The following CAB39 variants were observed in gnomAD, a reference collection of about 807,000 sequenced individuals.
CAB39 encodes the protein calcium-binding protein 39.
A neutral mutation model predicts 40.0 loss-of-function variants in CAB39; 8 were observed. The observed-to-expected ratio is 0.20, with a 90% CI of 0.12 to 0.36. The LOEUF (loss-of-function observed/expected upper bound fraction) is 0.36. CAB39 is among the 10% of genes least tolerant of loss of function. The probability of loss-of-function intolerance (pLI) is 1.00; values close to 1 mark genes in which losing one functional copy is unlikely to be tolerated. For missense variants in CAB39, 270 were observed against 401.1 expected (o/e 0.67, Z 2.79); for synonymous variants, 156 against 141.6 (o/e 1.10, Z -0.72).
intron 4 of CAB39, among the ~76,000 whole-genome samples, chr2:230,793,641 G>A (rs1156614304): frequency 1.3e-5 from 2 of 152,140 alleles, no homozygotes; most frequent in African/African-American, 4.8e-5. Context: ...TAAAAAAGTT[G>A]AATTTCATTG....
rs564668197 is a variant in CAB39, at chr2:230,795,613, C to T, written c.398+2282C>T. On this transcript the variant is annotated intron_variant, in intron 4 of 8. Transcript: ENST00000258418. ...CATTTCTGGTGATGTTCGGATTGAC[C>T]GGTGGATGCAGGTGTCCTCAGTCTG... Among the ~76,000 whole-genome samples, 20 of 152,192 alleles carry T rather than the reference C, an allele frequency of 1.3e-4. No individual in the cohort carries two copies. The South Asian group carries it at 2.3e-3, about 17-fold the overall frequency.
intron 6 of CAB39, 46 bp downstream of exon 6, chr2:230,810,368 G>A (rs779728150): frequency 4.1e-6 from 3 of 726,254 alleles, no homozygotes; most frequent in Admixed American, 3.1e-5. Flanking sequence ...TGTAACTTTT[G>A]TTACCAGAAA....
intron 1 of CAB39, among the ~76,000 whole-genome samples, chr2:230,734,121 G>A (rs1283465239): frequency 6.6e-6 from 1 of 152,166 alleles, no homozygotes; most frequent in Non-Finnish European, 1.5e-5. Flanking sequence ...GTGGCCCCTT[G>A]TATTAATTGG....
At chr2:230,810,208 C>T (rs369936179) in intron 5 of CAB39, 55 bp from the exon 6 acceptor site, 15 of 767,970 alleles carry the variant, frequency 2.0e-5, no homozygotes, top group South Asian at 8.5e-5. Context: ...ATTTAGGATT[C>T]GCTTTTTTGA....
intron 2 of CAB39, among the ~76,000 whole-genome samples, chr2:230,770,912 G>A (rs1236170939): frequency 6.6e-6 from 1 of 152,190 alleles, no homozygotes; most frequent in Non-Finnish European, 1.5e-5. Context: ...AAGGGCATCT[G>A]CAAAAATCCT....
chr2:230,782,797 C>CTT (rs1473206463), intron 2 of CAB39, among the ~76,000 whole-genome samples: 1 of 107,158 alleles, frequency 9.3e-6, no homozygotes, highest in Non-Finnish European at 1.8e-5. Flanking sequence ...CTGTTTCTTT[C>CTT]TTTCTTTCTT....
intron 2 of CAB39, among the ~76,000 whole-genome samples, chr2:230,761,868 T>G (rs1305276525): frequency 6.7e-6 from 1 of 148,458 alleles, no homozygotes; most frequent in African/African-American, 2.5e-5. Flanking sequence ...TAAGTGGTAC[T>G]GTTTTTTGTT....
At chr2:230,766,038 T>C (rs1695380364) in intron 2 of CAB39, among the ~76,000 whole-genome samples, 1 of 152,190 alleles carries the variant, frequency 6.6e-6, no homozygotes, top group South Asian at 2.1e-4. Flanking sequence ...CCCTGGAATT[T>C]CCAGTTCACT....
At chr2:230,818,389 C>G in intron 8 of CAB39, 127 bp from the exon 9 acceptor site, 1 of 666,696 alleles carries the variant, frequency 1.5e-6, no homozygotes, top group Non-Finnish European at 2.5e-6. Flanking sequence ...AAAGCAAAAC[C>G]TAATGACCCT....
chr2:230,771,650 T>C (rs1695484996), intron 2 of CAB39, among the ~76,000 whole-genome samples: 1 of 152,186 alleles, frequency 6.6e-6, no homozygotes, highest in Non-Finnish European at 1.5e-5. Flanking sequence ...CCTGGAGTAA[T>C]CAAAATAACT....
Position 230,744,889 on chromosome 2 carries a change from CTT to C in CAB39, c.-43-15067_-43-15066del, listed in dbSNP as rs1245735687. On this transcript the variant is annotated intron_variant, in intron 1 of 8. Coordinates refer to ENST00000258418, the MANE Select transcript of CAB39 (RefSeq NM_016289.4). Reference sequence around the variant, plus strand: ...GAGCTGTTGCTACTTTGTAAAATGACTTTTCTCTAAAAAATCAGCTACTAAAG... The same window carrying C: ...GAGCTGTTGCTACTTTGTAAAATGACTTCTCTAAAAAATCAGCTACTAAAG... 2.0e-5 allele frequency among the ~76,000 whole-genome samples: 3 copies of C among 152,162 alleles called. No individual in the cohort carries two copies. In the East Asian group the frequency reaches 5.8e-4, roughly 29 times the overall value.
Position 230,793,321 on chromosome 2 carries a change from T to C in CAB39, c.388T>C (p.Leu130=). The C allele has an allele frequency of 6.5e-7, 1 of 1,543,926 alleles. No homozygotes were observed. The change falls in exon 4 of 9, where the codon TTA becomes CTA. Residue 130 remains leucine (L), a synonymous_variant. Transcript: ENST00000258418. ...CACCCAACAGAATATTTTGTTCATG[T>C]TATTGAAAGGGTATGTACAATGTAA... ...ICTQQNILFM[L]LKGYESPEIA...
chr2:230,779,554 A>T (rs1490029407), intron 2 of CAB39: 1 of 152,242 alleles, frequency 6.6e-6, no homozygotes, highest in Admixed American at 6.5e-5. Flanking sequence ...CAGTCTGCCC[A>T]TGAAAAGTAA....
At chr2:230,732,859 A>G (rs1215665007) in intron 1 of CAB39, among the ~76,000 whole-genome samples, 1 of 152,216 alleles carries the variant, frequency 6.6e-6, no homozygotes, top group Non-Finnish European at 1.5e-5. Flanking sequence ...TATTTATTTC[A>G]TGACATAGGC....
At chr2:230,742,925 C>CT (rs144877104) in intron 1 of CAB39, among the ~76,000 whole-genome samples, 3,003 of 152,214 alleles carry the variant, frequency 0.02, 90 homozygotes, top group African/African-American at 0.068. Flanking sequence ...AGTTAAGAAT[C>CT]TTTGTGTTTT....
At chr2:230,746,757 G>A (rs180904014) in intron 1 of CAB39, among the ~76,000 whole-genome samples, 1 of 152,006 alleles carries the variant, frequency 6.6e-6, no homozygotes, top group South Asian at 2.1e-4. Flanking sequence ...TCAACTCTTG[G>A]TTATTTATGT....
At chr2:230,736,244 T>C (rs1694786834) in intron 1 of CAB39, among the ~76,000 whole-genome samples, 1 of 152,214 alleles carries the variant, frequency 6.6e-6, no homozygotes, top group Non-Finnish European at 1.5e-5. Flanking sequence ...TGCTAGATCT[T>C]ACAGTATTTA....
At chr2:230,805,757 A>G (rs1575959810) in intron 5 of CAB39, among the ~76,000 whole-genome samples, 2 of 152,260 alleles carry the variant, frequency 1.3e-5, no homozygotes, top group African/African-American at 4.8e-5. Context: ...ACTGAGCTAG[A>G]TGGAGTTTCA....
intron 1 of CAB39, among the ~76,000 whole-genome samples, chr2:230,738,951 T>G (rs749458067): frequency 3.9e-5 from 6 of 152,242 alleles, no homozygotes; most frequent in Non-Finnish European, 8.8e-5. Flanking sequence ...AGGTATGACT[T>G]TAGAACCATA....
Sources: allele counts gnomAD v4.1 joint callset (sites outside exome capture counted in the v4.1 genomes callset), GRCh38; gene constraint gnomAD v4.1.1; transcripts MANE v1.5; gene names NCBI Gene and HGNC (gene_info 2026-07-23, HGNC 2026-07-21).